The following CATSPERD variants were observed in gnomAD, a reference collection of about 807,000 sequenced individuals.
CATSPERD encodes cation channel sperm-associated auxiliary subunit delta.
A neutral mutation model predicts 98.1 loss-of-function variants in CATSPERD; 86 were observed. The ratio of observed to expected loss-of-function variants is 0.88; its 90% CI spans 0.74 to 1.05. The LOEUF (loss-of-function observed/expected upper bound fraction) is 1.05, where lower values mean the gene tolerates loss of function less well. Ranked by LOEUF, CATSPERD falls within the 50% of genes least tolerant of loss-of-function variation. The pLI is 0.00. For synonymous variants in CATSPERD, 394 were observed against 390.2 expected, an observed-to-expected ratio of 1.01 and a Z score of -0.12; for missense variants, 995 against 1,005.7, an observed-to-expected ratio of 0.99 and a Z score of 0.14.
rs150935194 is a variant in CATSPERD, at chr19:5,743,548, G to A, written c.574-879G>A. On this transcript the variant is annotated intron_variant, in intron 7 of 21. Coordinates refer to ENST00000381624, the MANE Select transcript of CATSPERD (RefSeq NM_152784.4). Reference sequence around the variant, plus strand: ...CAGGAGACAGAGGTTGCAGTGAGCCGAGGCTGTGCCACTGCACTCCAGCCT... The same window carrying A: ...CAGGAGACAGAGGTTGCAGTGAGCCAAGGCTGTGCCACTGCACTCCAGCCT... Among the ~76,000 whole-genome samples, 488 of 150,752 alleles carry A rather than the reference G, an allele frequency of 3.2e-3. 4 individuals carry two copies. Among genetic ancestry groups the A allele is most frequent in the African/African-American group, 0.011 (459 of 41,112 alleles).
At chr19:5,747,741 A>G (rs771609728) in intron 9 of CATSPERD, among the ~76,000 whole-genome samples, 3 of 149,978 alleles carry the variant, frequency 2.0e-5, no homozygotes, top group Non-Finnish European at 2.9e-5. Context: ...TCTCCCAAGT[A>G]GCTGGGATTA....
chr19:5,731,737 G>A (rs1435934415), intron 4 of CATSPERD, among the ~76,000 whole-genome samples: 94 of 150,002 alleles, frequency 6.3e-4, no homozygotes, highest in African/African-American at 2.1e-3. Flanking sequence ...CACCGCGCCC[G>A]GCTAATTTTT....
chr19:5,772,968 A>T lies in CATSPERD; in HGVS notation c.1941+3A>T, dbSNP rs1459041136. The T allele has an allele frequency of 6.2e-7, 1 of 1,613,090 alleles. No homozygotes were observed. Among genetic ancestry groups the T allele is most frequent in the Non-Finnish European group, 8.5e-7 (1 of 1,179,624 alleles). On this transcript the variant is annotated splice_donor_region_variant and intron_variant, in intron 20 of 21. Transcript: ENST00000381624. ...GGCCCTTCTTCTGGAACAGAGAGGT[A>T]ACAGGACCCTAGGATCGTTTCCAGA...
In CATSPERD at chr19:5,749,725, C is replaced by A. The variant is rs181335653; in HGVS notation, c.987+542C>A. Among the ~76,000 whole-genome samples the A allele has an allele frequency of 1.2e-3, 178 of 151,952 alleles. 1 individual carries two copies. Among genetic ancestry groups the A allele is most frequent in the African/African-American group, 4.2e-3 (173 of 41,452 alleles). On this transcript the variant is annotated intron_variant, in intron 11 of 21. Coordinates refer to ENST00000381624, the MANE Select transcript of CATSPERD (RefSeq NM_152784.4). ...AAAACTGAGGCACAGAGACCTAAGT[C>A]GTCTGTCCAGGCTCAAAGTGGTACT... is the stretch of plus-strand genomic sequence containing the variant.
chr19:5,773,711 G>A (rs1004361702), intron 20 of CATSPERD, among the ~76,000 whole-genome samples: 5 of 53,702 alleles, frequency 9.3e-5, no homozygotes, highest in Non-Finnish European at 2.1e-4. Context: ...TTTTTTTTTT[G>A]TAGAGGCAGG....
chr19:5,733,880 G>A lies in CATSPERD; in HGVS notation c.301G>A (p.Ala101Thr). The change falls in exon 5 of 22, where the codon GCA becomes ACA. Residue 101 changes from alanine (A) to threonine (T), a missense_variant. Around this residue, in one of 3 missense-constraint regions of CATSPERD, gnomAD observed 228 missense variants for 209.6 expected, o/e 1.09. Coordinates refer to ENST00000381624, the MANE Select transcript of CATSPERD (RefSeq NM_152784.4). Reference protein sequence around the residue: ...MQVGVPEVTSAHFAGSLLLLV... With the variant: ...MQVGVPEVTSTHFAGSLLLLV... Reference sequence around the variant, plus strand: ...GGTCGGCGTACCAGAAGTGACATCAGCACATTTTGCTGGTTCGTTATTGCT... The same window carrying A: ...GGTCGGCGTACCAGAAGTGACATCAACACATTTTGCTGGTTCGTTATTGCT... 6.2e-7 allele frequency: 1 copy of A among 1,612,294 alleles called. No homozygotes were observed. The highest frequency in any genetic ancestry group is 1.1e-5 in the South Asian group (1 of 90,666).
intron 3 of CATSPERD, among the ~76,000 whole-genome samples, chr19:5,728,038 C>CAA (rs56411287): frequency 0.013 from 1,612 of 128,344 alleles, 36 homozygotes; most frequent in African/African-American, 0.037. Context: ...CCAGTATCTA[C>CAA]AAAAAAAAAA....
At chr19:5,754,388 T>A in intron 13 of CATSPERD, 143 bp downstream of exon 13, 1 of 476,376 alleles carries the variant, frequency 2.1e-6, no homozygotes, top group Non-Finnish European at 3.8e-6. Flanking sequence ...AAATTGTCTC[T>A]GTGTCTTTTT....
At chr19:5,742,479 C>T (rs982926894) in intron 7 of CATSPERD, among the ~76,000 whole-genome samples, 8 of 152,074 alleles carry the variant, frequency 5.3e-5, no homozygotes, top group African/African-American at 1.2e-4. Flanking sequence ...GCCCCTATTG[C>T]TATCAATTGT....
In CATSPERD at chr19:5,748,149, T is replaced by C; in HGVS notation, c.809-11T>C. Reference sequence around the variant, plus strand: ...CACGGGGCCTCATGCACCTGTCCTGTTACCTCCTAGGTCAGCTCGTCGACA... The same window carrying C: ...CACGGGGCCTCATGCACCTGTCCTGCTACCTCCTAGGTCAGCTCGTCGACA... On this transcript the variant is annotated splice_polypyrimidine_tract_variant and intron_variant, in intron 9 of 21. Coordinates refer to ENST00000381624, the MANE Select transcript of CATSPERD (RefSeq NM_152784.4). 6.2e-7 allele frequency: 1 copy of C among 1,611,576 alleles called. No individual in the cohort carries two copies. The highest frequency in any genetic ancestry group is 2.2e-5 in the East Asian group (1 of 44,840).
At chr19:5,776,648 G>C (rs1340727511) in intron 21 of CATSPERD, among the ~76,000 whole-genome samples, 4 of 152,124 alleles carry the variant, frequency 2.6e-5, no homozygotes, top group Non-Finnish European at 5.9e-5. Context: ...GGCTCACCAG[G>C]AGTAGACTCT....
chr19:5,747,759 G>A (rs935935990), intron 9 of CATSPERD, among the ~76,000 whole-genome samples: 2 of 151,748 alleles, frequency 1.3e-5, no homozygotes, highest in Non-Finnish European at 2.9e-5. Flanking sequence ...TTACAGGTGC[G>A]TGCAACCATG....
chr19:5,740,941 C>T (rs1005767422), intron 7 of CATSPERD, among the ~76,000 whole-genome samples: 35 of 151,474 alleles, frequency 2.3e-4, no homozygotes, highest in African/African-American at 8.3e-4. Flanking sequence ...AACAATTAGC[C>T]GGGCATGGTG....
chr19:5,746,156 C>T (rs1442412403), intron 9 of CATSPERD, 93 bp downstream of exon 9: 5 of 1,324,394 alleles, frequency 3.8e-6, no homozygotes, highest in African/African-American at 1.5e-5. Flanking sequence ...AAGGAGCAAC[C>T]CCTCGACCAC....
At chr19:5,757,799 C>T in intron 13 of CATSPERD, 44 bp from the exon 14 acceptor site, 4 of 1,513,222 alleles carry the variant, frequency 2.6e-6, no homozygotes, top group Non-Finnish European at 3.7e-6. Flanking sequence ...CCCCGTCCTG[C>T]CTGCTGGCTC....
At chr19:5,743,972 G>A (rs2056047063) in intron 7 of CATSPERD, among the ~76,000 whole-genome samples, 1 of 151,968 alleles carries the variant, frequency 6.6e-6, no homozygotes, top group Non-Finnish European at 1.5e-5. Flanking sequence ...TGCCCCAAGT[G>A]TCACATTTCT....
At chr19:5,726,421 G>A (rs2055605420) in intron 2 of CATSPERD, among the ~76,000 whole-genome samples, 1 of 151,450 alleles carries the variant, frequency 6.6e-6, no homozygotes, top group South Asian at 2.1e-4. Flanking sequence ...TCTCTTTATT[G>A]CCCAGGATGT....
rs555600862 is a variant in CATSPERD at position 5,725,880 on chromosome 19, G to A, written c.126+1018G>A. Among the ~76,000 whole-genome samples, 520 of 151,848 alleles carry A rather than the reference G, an allele frequency of 3.4e-3. 2 individuals carry two copies. Among genetic ancestry groups the A allele is most frequent in the African/African-American group, 0.012 (490 of 41,438 alleles). The stretch of plus-strand genomic sequence containing the variant: ...GTGCCACTGCACTCCAGCCTGGGGC[G>A]ACAGAGCCAAAAAAGATGCATAATT... On this transcript the variant is annotated intron_variant, in intron 2 of 21. Coordinates refer to ENST00000381624, the MANE Select transcript of CATSPERD (RefSeq NM_152784.4).
intron 19 of CATSPERD, 31 bp downstream of exon 19, chr19:5,771,103 G>A (rs1378290151): frequency 6.2e-7 from 1 of 1,602,968 alleles, no homozygotes; most frequent in Non-Finnish European, 8.5e-7. Flanking sequence ...TGCAGGGTGG[G>A]GACGGTGGCA....
Sources: allele counts gnomAD v4.1 joint callset (sites outside exome capture counted in the v4.1 genomes callset), GRCh38; gene constraint gnomAD v4.1.1; regional missense constraint gnomAD v4.1.1; transcripts MANE v1.5; gene names NCBI Gene and HGNC (gene_info 2026-07-23, HGNC 2026-07-21).